ANKRD36: variants seen among roughly 807,000 people sequenced by gnomAD.
The protein encoded by ANKRD36 is ankyrin repeat domain 36.
ANKRD36 carries 179 observed loss-of-function variants against 278.1 expected under a neutral mutation model. The ratio of observed to expected loss-of-function variants is 0.64; its 90% confidence interval spans 0.57 to 0.73. The LOEUF is 0.73. ANKRD36 is among the 30% of genes least tolerant of loss of function. The pLI, the probability that ANKRD36 is intolerant of heterozygous loss-of-function variation, is 0.00. For synonymous variants in ANKRD36, 320 were observed against 641.1 expected, an observed-to-expected ratio of 0.50 and a Z score of 7.57; for missense variants, 1,159 against 1,956.7, an observed-to-expected ratio of 0.59 and a Z score of 7.69.
chr2:97,144,313 G>T (rs2043687175), intron 8 of ANKRD36, among the ~76,000 whole-genome samples: 1 of 152,236 alleles, frequency 6.6e-6, no homozygotes, highest in African/African-American at 2.4e-5. Flanking sequence ...ATATGAAATT[G>T]GAAGTGTTTG....
chr2:97,209,590 A>C (rs2063805985), intron 54 of ANKRD36, 91 bp from the exon 55 acceptor site: 2 of 1,570,400 alleles, frequency 1.3e-6, no homozygotes, highest in Admixed American at 1.8e-5. Flanking sequence ...TACAGGCAGG[A>C]GGACAGAGGT....
chr2:97,195,062 A>G, intron 40 of ANKRD36, 145 bp downstream of exon 40: 2 of 1,261,196 alleles, frequency 1.6e-6, no homozygotes, highest in Non-Finnish European at 2.2e-6. Context: ...TTCTTGGGTT[A>G]TGCTGATGCT....
intron 6 of ANKRD36, among the ~76,000 whole-genome samples, chr2:97,137,885 G>C (rs903231650): frequency 2.0e-5 from 3 of 151,974 alleles, no homozygotes; most frequent in African/African-American, 7.2e-5. Flanking sequence ...TCAGATGTTT[G>C]TTGGCTGCAT....
At chr2:97,210,253 G>T (rs1224253234) in intron 56 of ANKRD36, among the ~76,000 whole-genome samples, 1 of 151,838 alleles carries the variant, frequency 6.6e-6, no homozygotes, top group African/African-American at 2.4e-5. Context: ...CAGATAACTT[G>T]TTGTAATAAC....
At chr2:97,187,067 A>G (rs567933675) in intron 30 of ANKRD36, 131 bp from the exon 31 acceptor site, 267 of 1,472,040 alleles carry the variant, frequency 1.8e-4, no homozygotes, top group Non-Finnish European at 2.3e-4. Context: ...GGCTTAAGAC[A>G]TAAAGTAGAA....
At chr2:97,121,045 AG>A (rs1193096972) in intron 3 of ANKRD36, among the ~76,000 whole-genome samples, 2 of 151,980 alleles carry the variant, frequency 1.3e-5, no homozygotes, top group African/African-American at 2.4e-5. Flanking sequence ...TTGCCTCTGT[AG>A]GGATGACTTT....
intron 44 of ANKRD36, among the ~76,000 whole-genome samples, chr2:97,199,595 G>A (rs1427703973): frequency 6.6e-6 from 1 of 151,920 alleles, no homozygotes; most frequent in Non-Finnish European, 1.5e-5. Flanking sequence ...AATGCTTGTA[G>A]CCATTTTACC....
chr2:97,206,082 A>T lies in ANKRD36; in HGVS notation c.3110A>T (p.Asp1037Val). The part of the protein sequence containing the change: ...PTLKATSDEE[D>V]SVLSIARENK... Reference sequence around the variant, plus strand: ...ATTCAGGCTACAAGTGATGAGGAAGATTCTGTTTTGAGTATAGCCAGAGAA... The same window carrying T: ...ATTCAGGCTACAAGTGATGAGGAAGTTTCTGTTTTGAGTATAGCCAGAGAA... Residue 1037 changes from aspartate to valine, a missense_variant, in exon 52 of 76, where the codon GAT (aspartate) becomes GTT (valine). Physicochemically the swap from Asp to Val is radical, Grantham distance 152. Coordinates refer to ENST00000420699, the MANE Select transcript of ANKRD36 (RefSeq NM_001354587.1). 1.3e-6 allele frequency: 2 copies of T among 1,551,348 alleles called. No homozygotes were observed. The highest frequency in any genetic ancestry group is 8.7e-7 in the Non-Finnish European group (1 of 1,149,674).
chr2:97,135,149 T>C (rs914114544), intron 6 of ANKRD36, among the ~76,000 whole-genome samples: 4 of 152,024 alleles, frequency 2.6e-5, no homozygotes, highest in African/African-American at 9.7e-5. Flanking sequence ...TTCATAGATC[T>C]AGATTTTTTG....
chr2:97,225,982 TC>T (rs1193149813), intron 67 of ANKRD36, among the ~76,000 whole-genome samples: 2 of 151,834 alleles, frequency 1.3e-5, no homozygotes, highest in African/African-American at 4.8e-5. Flanking sequence ...TGCATAGTAT[TC>T]CATGGTGTCT....
chr2:97,144,189 G>C (rs2043640490), intron 8 of ANKRD36, among the ~76,000 whole-genome samples: 1 of 152,058 alleles, frequency 6.6e-6, no homozygotes, highest in Non-Finnish European at 1.5e-5. Context: ...TGATTCCCAA[G>C]TGTATGAGTC....
intron 8 of ANKRD36, among the ~76,000 whole-genome samples, 197 bp downstream of exon 8, chr2:97,143,032 C>T (rs2153451437): frequency 6.6e-6 from 1 of 151,922 alleles, no homozygotes; most frequent in South Asian, 2.1e-4. Flanking sequence ...AGATTATGTT[C>T]TTCCCCACAG....
intron 68 of ANKRD36, among the ~76,000 whole-genome samples, chr2:97,235,097 A>G (rs1343529343): frequency 6.6e-6 from 1 of 150,898 alleles, no homozygotes; most frequent in East Asian, 2.0e-4. Flanking sequence ...GCACAAGGTC[A>G]CAAAGATTGT....
At chr2:97,197,355 A>C (rs1307376231) in intron 42 of ANKRD36, among the ~76,000 whole-genome samples, 2 of 151,928 alleles carry the variant, frequency 1.3e-5, no homozygotes, top group African/African-American at 2.4e-5. Context: ...ATTTTAATAA[A>C]AAATACTTGA....
At chr2:97,220,755 A>ATTTTTT (rs2067293260) in intron 66 of ANKRD36, among the ~76,000 whole-genome samples, 3 of 66,892 alleles carry the variant, frequency 4.5e-5, no homozygotes, top group African/African-American at 2.9e-4. Flanking sequence ...TTTAATTTTT[A>ATTTTTT]ATTTTCTTTT....
intron 6 of ANKRD36, among the ~76,000 whole-genome samples, chr2:97,131,003 T>A (rs201636202): frequency 4.6e-5 from 7 of 152,096 alleles, no homozygotes; most frequent in Non-Finnish European, 8.8e-5. Flanking sequence ...TCAAACTTTA[T>A]ATGTCTTTTA....
chr2:97,143,916 CA>C (rs1390381900), intron 8 of ANKRD36, among the ~76,000 whole-genome samples: 1 of 152,026 alleles, frequency 6.6e-6, no homozygotes, highest in Non-Finnish European at 1.5e-5. Context: ...AATGTAGGCA[CA>C]TTATGACACC....
chr2:97,146,576 A>G lies in ANKRD36; in HGVS notation c.1034+60A>G. 6 of 1,405,968 alleles carry G rather than the reference A, an allele frequency of 4.3e-6. No individual in the cohort carries two copies. In the South Asian group the frequency reaches 8.0e-5, roughly 19 times the overall value. 87.1% of individuals were successfully genotyped at this position (1,405,968 alleles called of 1,614,324 possible). A position where few individuals can be genotyped will look rare whatever the true frequency, so the allele number is the denominator to read the frequency against. ...AACTTAGTTAATAGAGAGAATAGAA[A>G]CTAGTATCCATTTAGTGTTCTCCTC... is the stretch of plus-strand genomic sequence containing the variant. On this transcript the variant is annotated intron_variant, in intron 11 of 75. Coordinates refer to ENST00000420699, the MANE Select transcript of ANKRD36 (RefSeq NM_001354587.1).
intron 22 of ANKRD36, among the ~76,000 whole-genome samples, chr2:97,179,460 A>G (rs949766291): frequency 6.6e-6 from 1 of 151,618 alleles, no homozygotes; most frequent in African/African-American, 2.4e-5. Context: ...GCATATCCAC[A>G]TTGATATTGA....
Sources: gnomAD v4.1 joint callset for allele counts (sites outside exome capture counted in the v4.1 genomes callset) on GRCh38, gnomAD v4.1.1 for gene constraint, MANE v1.5 for transcripts, NCBI Gene and HGNC (gene_info 2026-07-23, HGNC 2026-07-21) for gene names.